Variants in TTN observed in about 807,000 individuals in gnomAD.
TTN encodes connectin.
Under a neutral mutation model 3,223.0 loss-of-function variants are expected in TTN, and 1,525 were observed. That is an observed-to-expected ratio of 0.47 (90% CI 0.45 to 0.49). The LOEUF (loss-of-function observed/expected upper bound fraction) is 0.49. Among genes scored for constraint, TTN ranks in the 20% least tolerant of loss-of-function variants. The pLI is 0.00. For synonymous variants in TTN, 14,094 were observed against 15,161.0 expected, an observed-to-expected ratio of 0.93 and a Z score of 5.17; for missense variants, 40,786 against 43,424.0, an observed-to-expected ratio of 0.94 and a Z score of 5.40.
rs1559647959 is a variant in TTN at position 178,597,560 on chromosome 2, C to T, written c.57522G>A (p.Lys19174=). The change falls in exon 294 of 363, where the codon AAG becomes AAA. Residue 19174 remains lysine (K), a synonymous_variant. Transcript: ENST00000589042. ...TACCTAATACATCAACAATAATTGT[C>T]TTCTTTCTTTCTCCGGCTTCATTTT... The part of the protein sequence containing the change: ...LAKNEAGERK[K]TIIVDVLDVP... The T allele has an allele frequency of 6.2e-7, 1 of 1,612,226 alleles. No homozygotes were observed. The highest frequency in any genetic ancestry group is 8.5e-7 in the Non-Finnish European group (1 of 1,179,234).
chr2:178,677,940 G>T (rs1391433132), intron 145 of TTN, 23 bp from the exon 146 acceptor site: 1 of 1,572,908 alleles, frequency 6.4e-7, no homozygotes, highest in Non-Finnish European at 8.6e-7. Context: ...TTATTCAAGG[G>T]TACAAACATC....
Position 178,620,512 on chromosome 2 carries a change from T to G in TTN, c.46009A>C (p.Asn15337His). Reference sequence around the variant, plus strand: ...TTGTCAAAAGGCACTTCTTCACCATTTTTGGTCCACTTCAGTGTTACATTG... The same window carrying G: ...TTGTCAAAAGGCACTTCTTCACCATGTTTGGTCCACTTCAGTGTTACATTG... ...RLNVTLKWTK[N>H]GEEVPFDNRV... Residue 15337 changes from asparagine (N) to histidine (H), a missense_variant, in exon 248 of 363, where the codon AAT becomes CAT. Physicochemically the swap from Asn to His is moderately conservative, Grantham distance 68. Coordinates refer to ENST00000589042, the MANE Select transcript of TTN (RefSeq NM_001267550.2). 1 of 1,612,372 alleles carries G rather than the reference T, an allele frequency of 6.2e-7. No homozygotes were observed. The highest frequency in any genetic ancestry group is 8.5e-7 in the Non-Finnish European group (1 of 1,178,954).
rs1710103271 is a variant in TTN at position 178,576,377 on chromosome 2, G to C, written c.69755C>G (p.Thr23252Ser). ...TGCCAAAGAAGCAGATTTCTTGGTA[G>C]TATCAGTGACATGCGGATTTGAAGG... ...GPPSNPHVTD[T>S]TKKSASLAWG... The change falls in exon 326 of 363, where the codon ACT becomes AGT. Residue 23252 changes from threonine to serine, a missense_variant. By Grantham distance (58) the Thr-to-Ser change is moderately conservative. Coordinates refer to ENST00000589042, the MANE Select transcript of TTN (RefSeq NM_001267550.2). The surrounding 1 kb of genome is among the most constrained non-coding windows in gnomAD (Gnocchi z 4.3). 6.4e-7 allele frequency: 1 copy of C among 1,560,548 alleles called. No homozygotes were observed. Among genetic ancestry groups the C allele is most frequent in the African/African-American group, 1.4e-5 (1 of 72,344 alleles).
Position 178,551,697 on chromosome 2 carries a change from A to G in TTN, c.91203T>C (p.Ala30401=), listed in dbSNP as rs772211018. Residue 30401 remains alanine (A), a synonymous_variant, in exon 335 of 363, where the codon GCT becomes GCC. Coordinates refer to ENST00000589042, the MANE Select transcript of TTN (RefSeq NM_001267550.2). The part of the protein sequence containing the change: ...EGLDYQFRVY[A]ENSAGLSSPS... Reference sequence around the variant, plus strand: ...GTGAGCTTAGGCCAGCAGAATTTTCAGCATATACACGGAATTGGTAATCCA... The same window carrying G: ...GTGAGCTTAGGCCAGCAGAATTTTCGGCATATACACGGAATTGGTAATCCA... 1.2e-6 allele frequency: 2 copies of G among 1,612,358 alleles called. No homozygotes were observed. Among genetic ancestry groups the G allele is most frequent in the African/African-American group, 1.3e-5 (1 of 74,978 alleles).
rs1362095957 is a variant in TTN, at chr2:178,601,270, G to A, written c.55727C>T (p.Pro18576Leu). The A allele has an allele frequency of 6.5e-6, 10 of 1,542,770 alleles. No individual in the cohort carries two copies. The highest frequency in any genetic ancestry group is 4.2e-5 in the Admixed American group (2 of 47,226). ...ETIQRTTARD[P>L]IYPPDPPIKL... Reference sequence around the variant, plus strand: ...ATTTAGATTTTAAAGCTTACATATCGGATCTCTGGCAGTGGTCCTCTGAAT... The same window carrying A: ...ATTTAGATTTTAAAGCTTACATATCAGATCTCTGGCAGTGGTCCTCTGAAT... The change falls in exon 287 of 363, where the codon CCG (proline) becomes CTG (leucine). Residue 18576 changes from proline (P) to leucine (L), a missense_variant. By Grantham distance (98) the Pro-to-Leu change is moderately conservative. Transcript: ENST00000589042.
Position 178,692,011 on chromosome 2 carries a change from C to G in TTN, c.31762+5G>C. ...AGAGTCTCCCCATCATTGGCTCTGG[C>G]GTACCTTTTGGGGGAGCAGCAGGTT... On this transcript the variant is annotated splice_donor_5th_base_variant and intron_variant, in intron 121 of 362. Transcript: ENST00000589042. 6.2e-7 allele frequency: 1 copy of G among 1,609,208 alleles called. No homozygotes were observed. Among genetic ancestry groups the G allele is most frequent in the Non-Finnish European group, 8.5e-7 (1 of 1,177,304 alleles).
intron 207 of TTN, 24 bp downstream of exon 207, chr2:178,651,429 C>G: frequency 1.2e-6 from 2 of 1,604,048 alleles, no homozygotes; most frequent in Non-Finnish European, 1.7e-6. Context: ...CCGCCCCCAT[C>G]AAACAGTGGA....
chr2:178,726,030 G>A lies in TTN; in HGVS notation c.20292C>T (p.Ser6764=), dbSNP rs369713073. ...KVIVKEPPVF[S]SFPPIVETLK... is the part of the protein sequence containing the mutation. ...GGGTTTCTACTATAGGAGGGAAGCT[G>A]CTAAAAACAGGTGGCTCTGCAAAAA... Residue 6764 remains serine (S), a synonymous_variant, in exon 70 of 363, where the codon AGC becomes AGT. Transcript: ENST00000589042. The A allele has an allele frequency of 8.7e-5, 132 of 1,520,172 alleles. No homozygotes were observed. The highest frequency in any genetic ancestry group is 1.1e-4 in the Non-Finnish European group (123 of 1,132,386). The allele number at this position is 1,520,172 out of a possible 1,614,324, so 94.2% of individuals were successfully genotyped here. A position where few individuals can be genotyped will look rare whatever the true frequency, so the allele number is the denominator to read the frequency against.
At chr2:178,747,451 C>T in intron 47 of TTN, 1 of 1,613,392 alleles carries the variant, frequency 6.2e-7, no homozygotes, top group Non-Finnish European at 8.5e-7. Flanking sequence ...ACTGATCTAA[C>T]TCAGATATTT....
chr2:178,691,280 A>G (rs1316944816), intron 121 of TTN, among the ~76,000 whole-genome samples: 1 of 152,192 alleles, frequency 6.6e-6, no homozygotes, highest in Non-Finnish European at 1.5e-5. Context: ...GATGCGTGCA[A>G]TTGTAGCTTC....
In TTN at chr2:178,732,264, C is replaced by T. The variant is rs1311137790; in HGVS notation, c.16705G>A (p.Gly5569Ser). The change falls in exon 57 of 363, where the codon GGT (glycine) becomes AGT (serine). Residue 5569 changes from glycine to serine, a missense_variant. By Grantham distance (56) the Gly-to-Ser change is moderately conservative (BLOSUM62 0). Coordinates refer to ENST00000589042, the MANE Select transcript of TTN (RefSeq NM_001267550.2). ...CATGTTATTTTAATTGGAGGGGTAC[C>T]AGTTACTTTGCAGGCTAGCTGGGTG... is the stretch of plus-strand genomic sequence containing the variant. ...DATQLACKVT[G>S]TPPIKITWFA... 3.1e-6 allele frequency: 5 copies of T among 1,613,620 alleles called. 1 individual carries two copies. The South Asian group carries it at 3.3e-5, about 11-fold the overall frequency.
Position 178,536,991 on chromosome 2 carries a change from C to G in TTN, c.100118G>C (p.Gly33373Ala). The change falls in exon 356 of 363, where the codon GGC becomes GCC. Residue 33373 changes from glycine to alanine, a missense_variant. Transcript: ENST00000589042. ...GGACACTTCTAGAGGGTCACTGATG[C>G]CGAAAGTGTTCTGAGCTGAAACCCG... The part of the protein sequence containing the change: ...YFRVSAQNTF[G>A]ISDPLEVSSV... 1 of 1,613,316 alleles carries G rather than the reference C, an allele frequency of 6.2e-7. No individual in the cohort carries two copies. Among genetic ancestry groups the G allele is most frequent in the Non-Finnish European group, 8.5e-7 (1 of 1,179,564 alleles).
At position 178,591,004 on chromosome 2, in the gene TTN, C is replaced by G. The variant is rs200212521; in HGVS notation, c.60721G>C (p.Glu20241Gln). Residue 20241 changes from glutamate (E) to glutamine (Q), a missense_variant, in exon 304 of 363, where the codon GAA becomes CAA. Physicochemically the swap from Glu to Gln is conservative, Grantham distance 29. Transcript: ENST00000589042. ...LKIPHLQKGCEYVFRVRAENK... is the reference protein window; with the variant it reads ...LKIPHLQKGCQYVFRVRAENK... ...TCTGCTCTAACTCGGAAAACATATT[C>G]ACAGCCCTTCTGCAGATGTGGGATT... is the stretch of plus-strand genomic sequence containing the variant. 2,113 of 1,613,484 alleles carry G rather than the reference C, an allele frequency of 1.3e-3. 2 individuals are homozygous for G. The highest frequency in any genetic ancestry group is 1.5e-3 in the Non-Finnish European group (1,712 of 1,179,566).
At chr2:178,682,198 C>T (rs1205297906) in intron 135 of TTN, among the ~76,000 whole-genome samples, 1 of 151,984 alleles carries the variant, frequency 6.6e-6, no homozygotes, top group Non-Finnish European at 1.5e-5. Context: ...AGGTAAAACA[C>T]AACAGCTTGT....
intron 180 of TTN, among the ~76,000 whole-genome samples, chr2:178,660,727 C>A (rs1274202934): frequency 2.0e-5 from 3 of 152,306 alleles, no homozygotes. Context: ...AAACTACCAT[C>A]AGAATGAACA....
rs1301921042 is a variant in TTN, at chr2:178,722,907, G to T, written c.21992C>A (p.Pro7331His). 1 of 1,612,514 alleles carries T rather than the reference G, an allele frequency of 6.2e-7. No homozygotes were observed. Among genetic ancestry groups the T allele is most frequent in the African/African-American group, 1.3e-5 (1 of 74,854 alleles). The change falls in exon 76 of 363, where the codon CCT becomes CAT. Residue 7331 changes from proline to histidine, a missense_variant. By Grantham distance (77) the Pro-to-His change is moderately conservative. Transcript: ENST00000589042. ...EPPYFVTELEPLEAAVGDSVS... is the reference protein window; with the variant it reads ...EPPYFVTELEHLEAAVGDSVS... The stretch of plus-strand genomic sequence containing the variant: ...CGAATCTCCAACTGCTGCCTCCAGA[G>T]GTTCCAGTTCCGTAACAAAATAAGG...
intron 58 of TTN, 25 bp downstream of exon 58, chr2:178,731,668 G>T: frequency 1.3e-6 from 2 of 1,589,438 alleles, no homozygotes; most frequent in Non-Finnish European, 1.7e-6. Context: ...AGAAAAGCCA[G>T]TCCCTCACTG....
chr2:178,620,484 C>T lies in TTN; in HGVS notation c.46037G>A (p.Arg15346His), dbSNP rs367996763. 22 of 1,612,248 alleles carry T rather than the reference C, an allele frequency of 1.4e-5. No individual in the cohort carries two copies. Among genetic ancestry groups the T allele is most frequent in the African/African-American group, 1.1e-4 (8 of 74,788 alleles). ...KNGEEVPFDN[R>H]VSYRVDKYKH... ...GTACTTATCAACTCTGTATGAGACACGGTTGTCAAAAGGCACTTCTTCACC... is the reference window on the plus strand; with the variant it reads ...GTACTTATCAACTCTGTATGAGACATGGTTGTCAAAAGGCACTTCTTCACC... The change falls in exon 248 of 363, where the codon CGT becomes CAT. Residue 15346 changes from arginine (R) to histidine (H), a missense_variant. By Grantham distance (29) the Arg-to-His change is conservative. Coordinates refer to ENST00000589042, the MANE Select transcript of TTN (RefSeq NM_001267550.2).
In TTN at chr2:178,609,724, A is replaced by G; in HGVS notation, c.51699T>C (p.Pro17233=). 1 of 1,608,824 alleles carries G rather than the reference A, an allele frequency of 6.2e-7. No homozygotes were observed. Among genetic ancestry groups the G allele is most frequent in the Non-Finnish European group, 8.5e-7 (1 of 1,176,248 alleles). The part of the protein sequence containing the change: ...RAENAAGISE[P]SRATPPTKAV... ...CTTTGGTTGGAGGAGTAGCCCGAGAAGGTTCACTAATACCCGCGGCGTTCT... is the reference window on the plus strand; with the variant it reads ...CTTTGGTTGGAGGAGTAGCCCGAGAGGGTTCACTAATACCCGCGGCGTTCT... Residue 17233 remains proline, a synonymous_variant, in exon 272 of 363, where the codon CCT becomes CCC. Transcript: ENST00000589042.
Sources: allele counts gnomAD v4.1 joint callset (sites outside exome capture counted in the v4.1 genomes callset), GRCh38; gene constraint gnomAD v4.1.1; non-coding constraint Gnocchi (gnomAD v3.1); transcripts MANE v1.5; gene names NCBI Gene and HGNC (gene_info 2026-07-23, HGNC 2026-07-21).